Variants in VTCN1 observed in about 807,000 individuals in gnomAD.
VTCN1 encodes the protein V-set domain containing T cell activation inhibitor 1, also known as V-set domain-containing T-cell activation inhibitor 1.
Under a neutral mutation model 26.5 loss-of-function variants are expected in VTCN1, and 26 were observed. The observed-to-expected ratio is 0.98, with a 90% CI of 0.72 to 1.36. VTCN1 has a LOEUF of 1.36. VTCN1 is among the 40% of genes most tolerant of loss of function. The pLI is 0.00. For synonymous variants in VTCN1, 116 were observed against 130.7 expected (o/e 0.89, Z 0.77); for missense variants, 298 against 337.7 (o/e 0.88, Z 0.92).
chr1:117,187,221 G>A (rs1647986115), intron 1 of VTCN1, among the ~76,000 whole-genome samples: 1 of 149,530 alleles, frequency 6.7e-6, no homozygotes, highest in South Asian at 2.1e-4. Flanking sequence ...TGAGGTGTGA[G>A]GATTGCTTGA....
intron 1 of VTCN1, chr1:117,172,260 G>A (rs957292453): frequency 4.1e-6 from 2 of 487,476 alleles, no homozygotes; most frequent in Non-Finnish European, 8.1e-6. Flanking sequence ...TCAGGAATGG[G>A]CCCACCAGAC....
chr1:117,166,858 G>A (rs922162440), intron 2 of VTCN1, among the ~76,000 whole-genome samples: 3 of 151,658 alleles, frequency 2.0e-5, no homozygotes, highest in Admixed American at 6.6e-5. Context: ...GTGGGAGGTC[G>A]AGGTGGGTGG....
intron 4 of VTCN1, among the ~76,000 whole-genome samples, chr1:117,151,361 A>G (rs909664418): frequency 6.6e-6 from 1 of 152,104 alleles, no homozygotes; most frequent in Non-Finnish European, 1.5e-5. Context: ...CTTCGCAGTG[A>G]GAGTCACAGC....
At position 117,145,605 on chromosome 1, in the gene VTCN1, T is replaced by C. The variant is rs1227409074; in HGVS notation, c.*46-380A>G. 6.6e-6 allele frequency among the ~76,000 whole-genome samples: 1 copy of C among 152,198 alleles called. No individual in the cohort carries two copies. Among genetic ancestry groups the C allele is most frequent in the Non-Finnish European group, 1.5e-5 (1 of 68,020 alleles). On this transcript the variant is annotated intron_variant, in intron 5 of 5. Transcript: ENST00000369458. This position sits in a 1 kb window ranked among gnomAD's most constrained non-coding sequence, Gnocchi z 4.6. The stretch of plus-strand genomic sequence containing the variant: ...AAATGCCATTACCCATTATAATGTG[T>C]GTCTCAAATAATGTTCTATTCATTT...
chr1:117,185,545 C>T (rs775214732), intron 1 of VTCN1, among the ~76,000 whole-genome samples: 3 of 152,004 alleles, frequency 2.0e-5, no homozygotes, highest in African/African-American at 4.8e-5. Flanking sequence ...TAGTTCAGGC[C>T]GTGATAGGAA....
At chr1:117,173,175 T>C in intron 1 of VTCN1, 1 of 716,464 alleles carries the variant, frequency 1.4e-6, no homozygotes, top group South Asian at 1.5e-5. Flanking sequence ...CTTTAAGAGC[T>C]GTAACACTCA....
At chr1:117,185,196 AG>A (rs1209304569) in intron 1 of VTCN1, among the ~76,000 whole-genome samples, 7 of 152,180 alleles carry the variant, frequency 4.6e-5, no homozygotes, top group African/African-American at 1.7e-4. Context: ...AACAGTTCCA[AG>A]TGGTCACTTC....
intron 1 of VTCN1, among the ~76,000 whole-genome samples, chr1:117,179,061 C>G (rs1448818355): frequency 1.3e-5 from 2 of 152,168 alleles, no homozygotes; most frequent in East Asian, 3.8e-4. Context: ...TGACACTCAT[C>G]CATGCACATT....
At chr1:117,195,087 C>T (rs1490928698) in intron 1 of VTCN1, among the ~76,000 whole-genome samples, 1 of 151,538 alleles carries the variant, frequency 6.6e-6, no homozygotes, top group African/African-American at 2.4e-5. Flanking sequence ...TATAGTGAAA[C>T]CCTATCTCTA....
At chr1:117,168,308 G>A (rs1193203889) in intron 2 of VTCN1, among the ~76,000 whole-genome samples, 3 of 152,218 alleles carry the variant, frequency 2.0e-5, no homozygotes, top group Non-Finnish European at 4.4e-5. Context: ...CTGAAGGGAA[G>A]TGGGGGAAGG....
intron 1 of VTCN1, among the ~76,000 whole-genome samples, chr1:117,200,488 T>A (rs1648737457): frequency 6.6e-6 from 1 of 152,186 alleles, no homozygotes; most frequent in Admixed American, 6.5e-5. Context: ...ATTAAGTTCC[T>A]CTGACCTCCT....
In VTCN1 at chr1:117,161,343, A is replaced by C. The variant is rs916573734; in HGVS notation, c.98-4422T>G. 1.3e-5 allele frequency among the ~76,000 whole-genome samples: 2 copies of C among 152,194 alleles called. No homozygotes were observed. The highest frequency in any genetic ancestry group is 3.8e-4 in the East Asian group (2 of 5,198). On this transcript the variant is annotated intron_variant, in intron 2 of 5. Transcript: ENST00000369458. The surrounding 1 kb of genome is among the most constrained non-coding windows in gnomAD (Gnocchi z 4.3). ...ACACTTCTTTAACACCAGTTATGCA[A>C]ATTCTACTTATATTCAAAGTCCGTT...
At chr1:117,205,177 G>GA (rs1206213240) in intron 1 of VTCN1, among the ~76,000 whole-genome samples, 12 of 148,030 alleles carry the variant, frequency 8.1e-5, no homozygotes, top group Middle Eastern at 3.6e-3. Context: ...GAGAGAGAGA[G>GA]GGGGGTCTCG....
intron 2 of VTCN1, chr1:117,157,135 T>C: frequency 2.0e-6 from 1 of 495,498 alleles, no homozygotes; most frequent in Non-Finnish European, 3.0e-6. Flanking sequence ...TCATATATAA[T>C]GGCTTATGTA....
Position 117,175,636 on chromosome 1 carries a change from C to A in VTCN1, c.33-5465G>T, listed in dbSNP as rs182907862. 6.6e-6 allele frequency among the ~76,000 whole-genome samples: 1 copy of A among 152,318 alleles called. No homozygotes were observed. On this transcript the variant is annotated intron_variant, in intron 1 of 5. Coordinates refer to ENST00000369458, the MANE Select transcript of VTCN1 (RefSeq NM_024626.4). This position sits in a 1 kb window ranked among gnomAD's most constrained non-coding sequence, Gnocchi z 4.2. Reference sequence around the variant, plus strand: ...CCAACACAACGTCCATGTTGTCCTGCCATCATTCCCGTTTTGCAACCACAC... The same window carrying A: ...CCAACACAACGTCCATGTTGTCCTGACATCATTCCCGTTTTGCAACCACAC...
At chr1:117,189,893 C>G (rs1648157722) in intron 1 of VTCN1, among the ~76,000 whole-genome samples, 1 of 81,266 alleles carries the variant, frequency 1.2e-5, no homozygotes, top group African/African-American at 5.5e-5. Flanking sequence ...TTGCAAAACC[C>G]CAGTGAAGCC....
intron 1 of VTCN1, among the ~76,000 whole-genome samples, chr1:117,199,451 G>A (rs1648684785): frequency 6.6e-6 from 1 of 150,932 alleles, no homozygotes; most frequent in South Asian, 2.1e-4. Context: ...TCAGCCTCCC[G>A]AGTAGCTGGG....
intron 1 of VTCN1, among the ~76,000 whole-genome samples, chr1:117,186,121 A>G (rs1199631269): frequency 2.0e-5 from 3 of 152,252 alleles, no homozygotes; most frequent in Non-Finnish European, 4.4e-5. Flanking sequence ...TATAGGAACC[A>G]TCTTTTCCAG....
chr1:117,161,659 AATCAAAGC>A lies in VTCN1; in HGVS notation c.98-4746_98-4739del. 6.6e-6 allele frequency among the ~76,000 whole-genome samples: 1 copy of A among 152,366 alleles called. No homozygotes were observed. Among genetic ancestry groups the A allele is most frequent in the Admixed American group, 6.5e-5 (1 of 15,306 alleles). On this transcript the variant is annotated intron_variant, in intron 2 of 5. Coordinates refer to ENST00000369458, the MANE Select transcript of VTCN1 (RefSeq NM_024626.4). The surrounding 1 kb of genome is among the most constrained non-coding windows in gnomAD (Gnocchi z 4.3). Reference sequence around the variant, plus strand: ...GAATAAATAAATGGAAATCAGTAGAAATCAAAGCATTGTTTGAGATAGGCTAAAATTAT... The same window carrying A: ...GAATAAATAAATGGAAATCAGTAGAAATTGTTTGAGATAGGCTAAAATTAT...
Sources: gnomAD v4.1 joint callset for allele counts (sites outside exome capture counted in the v4.1 genomes callset) on GRCh38, gnomAD v4.1.1 for gene constraint, Gnocchi (gnomAD v3.1) non-coding constraint, MANE v1.5 for transcripts, NCBI Gene and HGNC (gene_info 2026-07-23, HGNC 2026-07-21) for gene names.